PTPN23: variants seen among roughly 807,000 people sequenced by gnomAD.
PTPN23 encodes the protein protein tyrosine phosphatase non-receptor type 23.
A neutral mutation model predicts 156.3 loss-of-function variants in PTPN23; 72 were observed. The ratio of observed to expected loss-of-function variants is 0.46; its 90% CI spans 0.38 to 0.56. The LOEUF (loss-of-function observed/expected upper bound fraction) is 0.56. Ranked by LOEUF, PTPN23 falls within the 20% of genes least tolerant of loss-of-function variation. The pLI, the probability that PTPN23 is intolerant of heterozygous loss-of-function variation, is 0.00. For missense variants in PTPN23, 1,974 were observed against 2,171.5 expected (o/e 0.91, Z 1.81); for synonymous variants, 957 against 899.6 (o/e 1.06, Z -1.14).
At position 47,409,273 on chromosome 3, in the gene PTPN23, G is replaced by C. The variant is rs1705207054; in HGVS notation, c.1753G>C (p.Asp585His). ...GCTGCGTGAGCTTATCCAGAAAGAT[G>C]ACATCACTGCCTCGCTGGTCACCAC... ...QQLRELIQKD[D>H]ITASLVTTDH... The change falls in exon 17 of 25, where the codon GAC becomes CAC. Residue 585 changes from aspartate (D) to histidine (H), a missense_variant. Physicochemically the swap from Asp to His is moderately conservative, Grantham distance 81. Coordinates refer to ENST00000265562, the MANE Select transcript of PTPN23 (RefSeq NM_015466.4). 1 of 1,614,016 alleles carries C rather than the reference G, an allele frequency of 6.2e-7. No homozygotes were observed. The highest frequency in any genetic ancestry group is 1.3e-5 in the African/African-American group (1 of 74,940).
chr3:47,407,192 G>C lies in PTPN23; in HGVS notation c.864+6G>C. 1 of 1,614,026 alleles carries C rather than the reference G, an allele frequency of 6.2e-7. No individual in the cohort carries two copies. The highest frequency in any genetic ancestry group is 2.2e-5 in the East Asian group (1 of 44,882). On this transcript the variant is annotated splice_donor_region_variant and intron_variant, in intron 10 of 24. Coordinates refer to ENST00000265562, the MANE Select transcript of PTPN23 (RefSeq NM_015466.4). The surrounding 1 kb of genome is among the most constrained non-coding windows in gnomAD (Gnocchi z 4.0). Reference sequence around the variant, plus strand: ...AAGCCATCAAGTTGGCCAAGGTAAAGCTGAGGAAGGCCTGGCTGCCCTGAG... The same window carrying C: ...AAGCCATCAAGTTGGCCAAGGTAAACCTGAGGAAGGCCTGGCTGCCCTGAG...
intron 1 of PTPN23, among the ~76,000 whole-genome samples, chr3:47,383,398 G>A (rs1420530372): frequency 6.6e-6 from 1 of 152,084 alleles, no homozygotes; most frequent in Non-Finnish European, 1.5e-5. Context: ...TTTCTACCTG[G>A]ATTAATCTTT....
chr3:47,400,900 T>G (rs1024697812), intron 2 of PTPN23, among the ~76,000 whole-genome samples: 1 of 151,640 alleles, frequency 6.6e-6, no homozygotes, highest in African/African-American at 2.4e-5. Context: ...TTATTTATTT[T>G]GTTTTATTAT....
In PTPN23 at chr3:47,408,474, T is replaced by C. The variant is rs757261063; in HGVS notation, c.1314T>C (p.Leu438=). 1.9e-6 allele frequency: 3 copies of C among 1,613,766 alleles called. No homozygotes were observed. The highest frequency in any genetic ancestry group is 3.3e-5 in the Admixed American group (2 of 59,980). The change falls in exon 15 of 25, where the codon CTT becomes CTC. Residue 438 remains leucine, a synonymous_variant. Coordinates refer to ENST00000265562, the MANE Select transcript of PTPN23 (RefSeq NM_015466.4). ...TCCGGCCCGACACTGTCAGGAACCT[T>C]GTACAGTCCATGCAAGGTGAGTAAG... ...LSVRPDTVRN[L]VQSMQVLSGV...
At position 47,381,090 on chromosome 3, in the gene PTPN23, A is replaced by C. The variant is rs1194801745; in HGVS notation, c.-7A>C. The C allele has an allele frequency of 3.8e-6, 6 of 1,566,192 alleles. No homozygotes were observed. The African/African-American group carries it at 5.4e-5, about 14-fold the overall frequency. On this transcript the variant is annotated 5_prime_UTR_variant, in exon 1 of 25. Transcript: ENST00000265562. Reference sequence around the variant, plus strand: ...AGTGGCCGGGTGGCCGGCGGGTGCCAGCCGCCATGGAGGCCGTGCCCCGCA... The same window carrying C: ...AGTGGCCGGGTGGCCGGCGGGTGCCCGCCGCCATGGAGGCCGTGCCCCGCA...
intron 1 of PTPN23, among the ~76,000 whole-genome samples, chr3:47,395,865 C>A (rs993695884): frequency 3.3e-5 from 5 of 152,188 alleles, no homozygotes; most frequent in African/African-American, 1.2e-4. Flanking sequence ...TTTCAGTCCG[C>A]TGAGTTCCTT....
Position 47,410,339 on chromosome 3 carries a change from C to T in PTPN23, c.2541C>T (p.Pro847=). The change falls in exon 20 of 25, where the codon CCC becomes CCT. Residue 847 remains proline, a synonymous_variant. Coordinates refer to ENST00000265562, the MANE Select transcript of PTPN23 (RefSeq NM_015466.4). ...CACAGCATGGCGTGGTGAGCAGTCC[C>T]TATGTGGGGGTAGGGCCGGCCCCAC... is the stretch of plus-strand genomic sequence containing the variant. ...SSPQHGVVSS[P]YVGVGPAPPV... 1 of 1,608,114 alleles carries T rather than the reference C, an allele frequency of 6.2e-7. No individual in the cohort carries two copies. Among genetic ancestry groups the T allele is most frequent in the Non-Finnish European group, 8.5e-7 (1 of 1,177,456 alleles).
In PTPN23 at chr3:47,404,774, C is replaced by T; in HGVS notation, c.282C>T (p.Val94=). The change falls in exon 3 of 25, where the codon GTC becomes GTT. Residue 94 remains valine (V), a synonymous_variant. Coordinates refer to ENST00000265562, the MANE Select transcript of PTPN23 (RefSeq NM_015466.4). Reference sequence around the variant, plus strand: ...CGGGCCAGGAGGCCGCTGTCCCTGTCACCTGGTGAGAGCCGCAGGCAGGGC... The same window carrying T: ...CGGGCCAGGAGGCCGCTGTCCCTGTTACCTGGTGAGAGCCGCAGGCAGGGC... The part of the protein sequence containing the change: ...MGSGQEAAVP[V]TWTEIFSGKS... 1 of 1,613,610 alleles carries T rather than the reference C, an allele frequency of 6.2e-7. No individual in the cohort carries two copies. The highest frequency in any genetic ancestry group is 8.5e-7 in the Non-Finnish European group (1 of 1,179,940).
rs1396629005 is a variant in PTPN23, at chr3:47,409,958, C to T, written c.2160C>T (p.Pro720=). Residue 720 remains proline, a synonymous_variant, in exon 20 of 25, where the codon CCC becomes CCT. Transcript: ENST00000265562. ...RELKKKPPPR[P]TAPKPLLPRR... is the part of the protein sequence containing the mutation. The stretch of plus-strand genomic sequence containing the variant: ...TGAAGAAGAAGCCGCCGCCACGGCC[C>T]ACAGCCCCAAAGCCGCTGCTGCCCC... 1.9e-6 allele frequency: 3 copies of T among 1,573,668 alleles called. No homozygotes were observed. The highest frequency in any genetic ancestry group is 1.9e-5 in the Admixed American group (1 of 52,406).
chr3:47,412,556 G>A lies in PTPN23; in HGVS notation c.4360G>A (p.Glu1454Lys), dbSNP rs199529980. The A allele has an allele frequency of 3.4e-4, 554 of 1,613,516 alleles. 4 individuals are homozygous for A. Among genetic ancestry groups the A allele is most frequent in the Non-Finnish European group, 6.4e-5 (76 of 1,180,012 alleles). Residue 1454 changes from glutamate to lysine, a missense_variant, in exon 24 of 25, where the codon GAG becomes AAG. This residue lies in a region of PTPN23 where 484 missense variants were observed against 516.0 expected (regional missense o/e 0.94). Transcript: ENST00000265562. ...CTATGAGGCAGTGGTGAGACACGTGGAGCAGGTCCTGCAGCGCCATGGTGT... is the reference window on the plus strand; with the variant it reads ...CTATGAGGCAGTGGTGAGACACGTGAAGCAGGTCCTGCAGCGCCATGGTGT... Reference protein sequence around the residue: ...FCYEAVVRHVEQVLQRHGVPP... With the variant: ...FCYEAVVRHVKQVLQRHGVPP...
chr3:47,395,403 G>T (rs1268334807), intron 1 of PTPN23, among the ~76,000 whole-genome samples: 1 of 152,252 alleles, frequency 6.6e-6, no homozygotes, highest in African/African-American at 2.4e-5. Flanking sequence ...AACAGGGACA[G>T]TTGCAGTTGC....
At chr3:47,404,323 T>C (rs573970409) in intron 2 of PTPN23, among the ~76,000 whole-genome samples, 9 of 151,822 alleles carry the variant, frequency 5.9e-5, no homozygotes, top group East Asian at 1.9e-4. Context: ...TCTCAGCTAA[T>C]TGGGAGGCTG....
chr3:47,405,067 T>C lies in PTPN23; in HGVS notation c.350T>C (p.Ile117Thr). 6.2e-7 allele frequency: 1 copy of C among 1,614,206 alleles called. No homozygotes were observed. Among genetic ancestry groups the C allele is most frequent in the Non-Finnish European group, 8.5e-7 (1 of 1,180,038 alleles). ...GACATCAAGTACGAGCAGGCCTGTATTCTCTACAACCTTGGTGAGCTGCCT... is the reference window on the plus strand; with the variant it reads ...GACATCAAGTACGAGCAGGCCTGTACTCTCTACAACCTTGGTGAGCTGCCT... ...HEDIKYEQAC[I>T]LYNLGALHSM... is the part of the protein sequence containing the mutation. Residue 117 changes from isoleucine to threonine, a missense_variant, in exon 4 of 25, where the codon ATT becomes ACT. Coordinates refer to ENST00000265562, the MANE Select transcript of PTPN23 (RefSeq NM_015466.4). This position sits in a 1 kb window ranked among gnomAD's most constrained non-coding sequence, Gnocchi z 4.7.
At chr3:47,394,123 G>T (rs922124554) in intron 1 of PTPN23, among the ~76,000 whole-genome samples, 2 of 151,860 alleles carry the variant, frequency 1.3e-5, no homozygotes, top group Admixed American at 6.6e-5. Flanking sequence ...GAAGAGAGTG[G>T]GTTCATTGTT....
At position 47,410,081 on chromosome 3, in the gene PTPN23, C is replaced by T; in HGVS notation, c.2283C>T (p.Thr761=). 6.2e-7 allele frequency: 1 copy of T among 1,611,626 alleles called. No individual in the cohort carries two copies. The highest frequency in any genetic ancestry group is 8.5e-7 in the Non-Finnish European group (1 of 1,178,938). The change falls in exon 20 of 25, where the codon ACC becomes ACT. Residue 761 remains threonine (T), a synonymous_variant. Transcript: ENST00000265562. ...TGGCTGGCCCACGACTGCCTGACAC[C>T]TTCCTGGGAAGTGCCACCCCGCTCC... is the stretch of plus-strand genomic sequence containing the variant. ...DMVAGPRLPD[T]FLGSATPLHF...
Position 47,406,439 on chromosome 3 carries a change from A to G in PTPN23, c.627+34A>G. The G allele has an allele frequency of 1.2e-6, 2 of 1,613,886 alleles. No homozygotes were observed. Among genetic ancestry groups the G allele is most frequent in the Non-Finnish European group, 1.7e-6 (2 of 1,179,970 alleles). On this transcript the variant is annotated intron_variant, in intron 7 of 24. Coordinates refer to ENST00000265562, the MANE Select transcript of PTPN23 (RefSeq NM_015466.4). The surrounding 1 kb of genome is among the most constrained non-coding windows in gnomAD (Gnocchi z 5.8). ...GGGGCTGAGGGGAGGCCTTCACTTT[A>G]CTGCTGACTCCCCCACTCATTGGGC...
intron 2 of PTPN23, among the ~76,000 whole-genome samples, chr3:47,403,348 G>A (rs1272617337): frequency 6.6e-6 from 1 of 152,040 alleles, no homozygotes; most frequent in Non-Finnish European, 1.5e-5. Context: ...CACTGCACCT[G>A]GCCACATTCT....
chr3:47,412,103 C>G lies in PTPN23; in HGVS notation c.4083C>G (p.Pro1361=). 4 of 1,613,048 alleles carry G rather than the reference C, an allele frequency of 2.5e-6. No individual in the cohort carries two copies. Among genetic ancestry groups the G allele is most frequent in the South Asian group, 2.2e-5 (2 of 91,080 alleles). Residue 1361 remains proline, a synonymous_variant, in exon 22 of 25, where the codon CCC becomes CCG. Transcript: ENST00000265562. Reference sequence around the variant, plus strand: ...CCATCCTGTCCCACAGAGGCCTGCCCGACAGCCCCAGCAACTTGCTGCGCT... The same window carrying G: ...CCATCCTGTCCCACAGAGGCCTGCCGGACAGCCCCAGCAACTTGCTGCGCT... The part of the protein sequence containing the change: ...HFPTWPELGL[P]DSPSNLLRFI...
intron 1 of PTPN23, among the ~76,000 whole-genome samples, chr3:47,388,727 C>T (rs1342019253): frequency 6.8e-6 from 1 of 146,066 alleles, no homozygotes; most frequent in Non-Finnish European, 1.5e-5. Context: ...TACAGTGGCA[C>T]AATCTCGGCT....
Sources: allele counts gnomAD v4.1 joint callset (sites outside exome capture counted in the v4.1 genomes callset), GRCh38; gene constraint gnomAD v4.1.1; regional missense constraint gnomAD v4.1.1; non-coding constraint Gnocchi (gnomAD v3.1); transcripts MANE v1.5; gene names NCBI Gene and HGNC (gene_info 2026-07-23, HGNC 2026-07-21).